The following PRKDC variants were observed in gnomAD, a reference collection of about 807,000 sequenced individuals.
The protein encoded by PRKDC is protein kinase, DNA-activated, catalytic subunit.
A neutral mutation model predicts 486.9 loss-of-function variants in PRKDC; 82 were observed. That is an observed-to-expected ratio of 0.17 (90% CI 0.14 to 0.20). The LOEUF is 0.20. Among genes scored for constraint, PRKDC ranks in the 10% least tolerant of loss-of-function variants. The pLI, the probability that PRKDC is intolerant of heterozygous loss-of-function variation, is 1.00. For synonymous variants in PRKDC, 1,895 were observed against 1,837.0 expected, an observed-to-expected ratio of 1.03 and a Z score of -0.81; for missense variants, 4,504 against 5,038.2, an observed-to-expected ratio of 0.89 and a Z score of 3.21.
intron 52 of PRKDC, among the ~76,000 whole-genome samples, chr8:47,852,463 GT>G (rs2088430760): frequency 6.6e-6 from 1 of 152,162 alleles, no homozygotes; most frequent in South Asian, 2.1e-4. Context: ...CGTTCACCAA[GT>G]TTCCAAGGTG....
chr8:47,779,861 T>G (rs1015280601), intron 80 of PRKDC, among the ~76,000 whole-genome samples: 1 of 151,676 alleles, frequency 6.6e-6, no homozygotes, highest in Non-Finnish European at 1.5e-5. Context: ...GTGCTGGGAT[T>G]ACAGGTGTGA....
chr8:47,871,773 T>C (rs944895594), intron 40 of PRKDC, among the ~76,000 whole-genome samples: 1 of 152,172 alleles, frequency 6.6e-6, no homozygotes, highest in Admixed American at 6.5e-5. Flanking sequence ...TTATTTTTAG[T>C]AGAGACAGGG....
chr8:47,903,221 A>G (rs2089718703), intron 26 of PRKDC, among the ~76,000 whole-genome samples: 1 of 152,220 alleles, frequency 6.6e-6, no homozygotes, highest in South Asian at 2.1e-4. Context: ...TGAAGTTCCA[A>G]AGAAACTGTA....
chr8:47,920,362 A>C (rs1304842797), intron 21 of PRKDC, among the ~76,000 whole-genome samples: 1 of 148,760 alleles, frequency 6.7e-6, no homozygotes, highest in Non-Finnish European at 1.5e-5. Context: ...TAAGCTCTCT[A>C]TGTGTCTTTG....
At chr8:47,857,547 G>A (rs1055857768) in intron 48 of PRKDC, among the ~76,000 whole-genome samples, 1 of 152,198 alleles carries the variant, frequency 6.6e-6, no homozygotes. Context: ...AAGACACAGG[G>A]AGAATGCCTG....
Position 47,935,787 on chromosome 8 carries a change from C to A in PRKDC, c.1392G>T (p.Val464=). The stretch of plus-strand genomic sequence containing the variant: ...GCCCTTTTGCTGCCAAAGCTAGGAA[C>A]ACCTTCACTATGGCTCTGCAACACA... ...QLVCCRAIVK[V]FLALAAKGPV... is the part of the protein sequence containing the mutation. The change falls in exon 13 of 86, where the codon GTG becomes GTT. Residue 464 remains valine (V), a synonymous_variant. Transcript: ENST00000314191. The A allele has an allele frequency of 6.2e-7, 1 of 1,613,958 alleles. No individual in the cohort carries two copies. The highest frequency in any genetic ancestry group is 8.5e-7 in the Non-Finnish European group (1 of 1,179,874).
chr8:47,937,757 TTC>T (rs1177557577), intron 11 of PRKDC, among the ~76,000 whole-genome samples: 3 of 152,168 alleles, frequency 2.0e-5, no homozygotes, highest in Admixed American at 6.6e-5. Context: ...CCTTCTGCCA[TTC>T]TGTTTCTTCT....
At chr8:47,795,617 C>A (rs1006458098) in intron 73 of PRKDC, among the ~76,000 whole-genome samples, 3 of 151,370 alleles carry the variant, frequency 2.0e-5, no homozygotes, top group African/African-American at 7.3e-5. Context: ...CCTCAGCCTT[C>A]CGAGTAGCTG....
intron 21 of PRKDC, among the ~76,000 whole-genome samples, chr8:47,925,465 C>A (rs957314073): frequency 7.9e-5 from 12 of 152,162 alleles, no homozygotes; most frequent in Non-Finnish European, 8.8e-5. Flanking sequence ...GAAGAACTAT[C>A]CCACATTAAA....
Position 47,819,464 on chromosome 8 carries a change from T to G in PRKDC, c.9383A>C (p.Lys3128Thr), listed in dbSNP as rs770390267. 1.3e-6 allele frequency: 2 copies of G among 1,562,536 alleles called. No individual in the cohort carries two copies. Among genetic ancestry groups the G allele is most frequent in the Non-Finnish European group, 1.7e-6 (2 of 1,161,318 alleles). Residue 3128 changes from lysine (K) to threonine (T), a missense_variant, in exon 67 of 86, where the codon AAA becomes ACA. Physicochemically the swap from Lys to Thr is moderately conservative, Grantham distance 78. This residue lies in a region of PRKDC where 1,592 missense variants were observed against 1,724.6 expected (regional missense o/e 0.92). Coordinates refer to ENST00000314191, the MANE Select transcript of PRKDC (RefSeq NM_006904.7). ...TGTTAAAGCCTGTACAGACTGCAATTTGGTGAGTCTACTTTGGTGTAAGAG... is the reference window on the plus strand; with the variant it reads ...TGTTAAAGCCTGTACAGACTGCAATGTGGTGAGTCTACTTTGGTGTAAGAG... ...DVLLHQSRLT[K>T]LQSVQALTEI...
At chr8:47,894,808 A>T (rs562812791) in intron 30 of PRKDC, among the ~76,000 whole-genome samples, 3 of 152,278 alleles carry the variant, frequency 2.0e-5, no homozygotes, top group Admixed American at 2.0e-4. Flanking sequence ...AATGGCTTGT[A>T]CCTGTAATTC....
intron 40 of PRKDC, among the ~76,000 whole-genome samples, chr8:47,866,774 A>G (rs569421744): frequency 1.3e-5 from 2 of 152,244 alleles, no homozygotes; most frequent in South Asian, 4.1e-4. Context: ...GAAGCAATAC[A>G]GACATACCTG....
At chr8:47,918,990 C>G (rs888822373) in intron 21 of PRKDC, among the ~76,000 whole-genome samples, 2 of 151,694 alleles carry the variant, frequency 1.3e-5, no homozygotes, top group Non-Finnish European at 2.9e-5. Context: ...CATAAACTTA[C>G]AGAGGATGGA....
At chr8:47,916,241 T>G (rs1335691938) in intron 22 of PRKDC, among the ~76,000 whole-genome samples, 1 of 151,484 alleles carries the variant, frequency 6.6e-6, no homozygotes, top group African/African-American at 2.4e-5. Context: ...AGGTCAGGAG[T>G]TCGAGACCAG....
chr8:47,840,863 T>A (rs758563098), intron 54 of PRKDC, among the ~76,000 whole-genome samples: 1 of 152,156 alleles, frequency 6.6e-6, no homozygotes, highest in South Asian at 2.1e-4. Flanking sequence ...AATATTTACA[T>A]AGGAGGGGGA....
Position 47,902,627 on chromosome 8 carries a change from T to G in PRKDC, c.3211A>C (p.Asn1071His). The G allele has an allele frequency of 6.2e-7, 1 of 1,612,038 alleles. No individual in the cohort carries two copies. The highest frequency in any genetic ancestry group is 1.1e-5 in the South Asian group (1 of 90,576). Residue 1071 changes from asparagine (N) to histidine (H), a missense_variant, in exon 27 of 86, where the codon AAT becomes CAT. Around this residue, in one of 6 missense-constraint regions of PRKDC, gnomAD observed 1,969 missense variants for 2,068.9 expected, o/e 0.95. Transcript: ENST00000314191. ...GATGCTCCCAGCCTCTTGAAAGCAT[T>G]GGGGTGAAGCGCAAGGCTATAAAGT... ...KRLYSLALHP[N>H]AFKRLGASLA...
chr8:47,783,107 G>T (rs2086724666), intron 78 of PRKDC: 1 of 161,024 alleles, frequency 6.2e-6, no homozygotes. Flanking sequence ...GTCAAACCTT[G>T]TCTCTACTAA....
intron 74 of PRKDC, 150 bp downstream of exon 74, chr8:47,794,140 G>T (rs912163672): frequency 1.7e-5 from 11 of 658,388 alleles, no homozygotes; most frequent in Non-Finnish European, 2.6e-5. Flanking sequence ...ACCCAGAATA[G>T]ATATATTCAA....
chr8:47,783,856 G>C, intron 77 of PRKDC, 47 bp from the exon 78 acceptor site: 1 of 1,568,670 alleles, frequency 6.4e-7, no homozygotes, highest in East Asian at 2.2e-5. Flanking sequence ...TTAGACAACC[G>C]CCTGTATTTT....
Sources: gnomAD v4.1 joint callset for allele counts (sites outside exome capture counted in the v4.1 genomes callset) on GRCh38, gnomAD v4.1.1 for gene constraint, gnomAD v4.1.1 regional missense constraint, MANE v1.5 for transcripts, NCBI Gene and HGNC (gene_info 2026-07-23, HGNC 2026-07-21) for gene names.